Variants in XPR1 observed in about 807,000 individuals in gnomAD.
The protein encoded by XPR1 is solute carrier family 53 member 1.
Under a neutral mutation model 87.5 loss-of-function variants are expected in XPR1, and 28 were observed. The ratio of observed to expected loss-of-function variants is 0.32; its 90% CI spans 0.24 to 0.44. The LOEUF is 0.44. Among genes scored for constraint, XPR1 ranks in the 20% least tolerant of loss-of-function variants. The probability of loss-of-function intolerance (pLI) is 1.00; values close to 1 mark genes in which losing one functional copy is unlikely to be tolerated. For missense variants in XPR1, 559 were observed against 862.3 expected (o/e 0.65, Z 4.41); for synonymous variants, 300 against 306.1 (o/e 0.98, Z 0.21).
intron 2 of XPR1, among the ~76,000 whole-genome samples, chr1:180,746,364 A>G (rs894136746): frequency 1.3e-5 from 2 of 152,202 alleles, no homozygotes; most frequent in Non-Finnish European, 2.9e-5. Context: ...AAGTGAGAAC[A>G]TACAGTATTT....
intron 1 of XPR1, among the ~76,000 whole-genome samples, chr1:180,663,843 G>T (rs1036446909): frequency 4.6e-5 from 7 of 152,110 alleles, no homozygotes; most frequent in Non-Finnish European, 1.0e-4. Context: ...GGCTGAGCAG[G>T]CGCTGAAACC....
chr1:180,712,254 A>T (rs898482458), intron 2 of XPR1, among the ~76,000 whole-genome samples: 2 of 152,228 alleles, frequency 1.3e-5, no homozygotes. Context: ...CTGAAGTACC[A>T]TGATAGCCTG....
chr1:180,752,863 T>C (rs1647586137), intron 2 of XPR1, among the ~76,000 whole-genome samples: 1 of 152,234 alleles, frequency 6.6e-6, no homozygotes, highest in Non-Finnish European at 1.5e-5. Context: ...GTCAGGTTAT[T>C]GATAATGATT....
intron 2 of XPR1, among the ~76,000 whole-genome samples, chr1:180,785,689 T>A (rs925906513): frequency 6.6e-6 from 1 of 151,992 alleles, no homozygotes; most frequent in Non-Finnish European, 1.5e-5. Flanking sequence ...GTTTGAATCA[T>A]TTTGCTGAAC....
At chr1:180,824,338 T>C (rs1201897834) in intron 7 of XPR1, among the ~76,000 whole-genome samples, 1 of 152,142 alleles carries the variant, frequency 6.6e-6, no homozygotes, top group African/African-American at 2.4e-5. Flanking sequence ...ATCCCAACAC[T>C]TTGGGAGGCC....
intron 11 of XPR1, among the ~76,000 whole-genome samples, chr1:180,849,290 C>G (rs963957082): frequency 1.3e-5 from 2 of 152,202 alleles, no homozygotes; most frequent in African/African-American, 4.8e-5. Context: ...CGCAAGGTCA[C>G]ATGACAGTAA....
chr1:180,712,386 T>C (rs1298219082), intron 2 of XPR1, among the ~76,000 whole-genome samples: 8 of 152,212 alleles, frequency 5.3e-5, no homozygotes, highest in African/African-American at 1.9e-4. Flanking sequence ...CTATTCAGAA[T>C]GACATGAAAA....
intron 1 of XPR1, among the ~76,000 whole-genome samples, chr1:180,677,312 T>C (rs1455126992): frequency 1.3e-5 from 2 of 152,222 alleles, no homozygotes; most frequent in African/African-American, 4.8e-5. Context: ...ACAGGAGACC[T>C]GAGTTTTATT....
At chr1:180,880,347 A>T in intron 14 of XPR1, 50 bp downstream of exon 14, 1 of 1,599,678 alleles carries the variant, frequency 6.3e-7, no homozygotes, top group Non-Finnish European at 8.6e-7. Flanking sequence ...GAGTTTTAGC[A>T]TTGGGTAGCA....
intron 9 of XPR1, among the ~76,000 whole-genome samples, chr1:180,829,399 A>G (rs1650975467): frequency 6.6e-6 from 1 of 152,212 alleles, no homozygotes; most frequent in Non-Finnish European, 1.5e-5. Flanking sequence ...CAGATTAAGA[A>G]GAGAAGGAGG....
intron 1 of XPR1, among the ~76,000 whole-genome samples, chr1:180,639,070 G>C (rs1429854150): frequency 6.6e-6 from 1 of 152,150 alleles, no homozygotes; most frequent in Non-Finnish European, 1.5e-5. Flanking sequence ...GCCAAGGCAG[G>C]CAGATCGCCT....
chr1:180,705,191 T>C (rs746215735), intron 2 of XPR1, among the ~76,000 whole-genome samples: 1 of 152,062 alleles, frequency 6.6e-6, no homozygotes, highest in Non-Finnish European at 1.5e-5. Context: ...TCTACCTGTA[T>C]TGATTAAAAT....
In XPR1 at chr1:180,887,417, G is replaced by GACA. The variant is rs1428171658; in HGVS notation, c.*3353_*3355dup. 6.6e-6 allele frequency: 1 copy of GACA among 152,142 alleles called. No individual in the cohort carries two copies. Among genetic ancestry groups the GACA allele is most frequent in the African/African-American group, 2.4e-5 (1 of 41,438 alleles). 9.4% of individuals were successfully genotyped at this position (152,142 alleles called of 1,614,324 possible). On this transcript the variant is annotated 3_prime_UTR_variant, in exon 15 of 15. Coordinates refer to ENST00000367590, the MANE Select transcript of XPR1 (RefSeq NM_004736.4). ...ATTGATGTGTGTAGAGAAATTAAAAGACAAGAGTGGTTTACTGTCTATGCA... is the reference window on the plus strand; with the variant it reads ...ATTGATGTGTGTAGAGAAATTAAAAGACAACAAGAGTGGTTTACTGTCTATGCA...
At chr1:180,748,123 C>G (rs1647337284) in intron 2 of XPR1, among the ~76,000 whole-genome samples, 1 of 152,152 alleles carries the variant, frequency 6.6e-6, no homozygotes, top group Non-Finnish European at 1.5e-5. Context: ...CCATTTACCA[C>G]CTGTGTGATT....
chr1:180,733,935 A>G (rs555745868), intron 2 of XPR1, among the ~76,000 whole-genome samples: 1 of 152,340 alleles, frequency 6.6e-6, no homozygotes, highest in East Asian at 1.9e-4. Context: ...CTTTACGTAC[A>G]TAATTTTATT....
chr1:180,798,892 G>A (rs1264743210), intron 3 of XPR1, among the ~76,000 whole-genome samples: 1 of 152,174 alleles, frequency 6.6e-6, no homozygotes, highest in African/African-American at 2.4e-5. Flanking sequence ...GGGATTACAG[G>A]TGTGAGCCAC....
intron 1 of XPR1, among the ~76,000 whole-genome samples, chr1:180,680,695 A>G (rs939992036): frequency 6.6e-6 from 1 of 152,110 alleles, no homozygotes; most frequent in Admixed American, 6.5e-5. Context: ...TGAATCAGCA[A>G]TCCCACTACT....
chr1:180,744,061 G>A (rs892837522), intron 2 of XPR1, among the ~76,000 whole-genome samples: 4 of 152,128 alleles, frequency 2.6e-5, no homozygotes, highest in African/African-American at 9.7e-5. Flanking sequence ...GATTTTTTAT[G>A]TACTGCATTC....
intron 2 of XPR1, among the ~76,000 whole-genome samples, chr1:180,704,276 A>ATATATATATATATATT (rs1557965447): frequency 7.1e-6 from 1 of 141,350 alleles, no homozygotes; most frequent in South Asian, 2.2e-4. Flanking sequence ...ATATATATAT[A>ATATATATATATATATT]TTATCAGATT....
Sources: gnomAD v4.1 joint callset for allele counts (sites outside exome capture counted in the v4.1 genomes callset) on GRCh38, gnomAD v4.1.1 for gene constraint, MANE v1.5 for transcripts, NCBI Gene and HGNC (gene_info 2026-07-23, HGNC 2026-07-21) for gene names.